PDILT: variants seen among roughly 807,000 people sequenced by gnomAD.
PDILT encodes the protein protein disulfide-isomerase-like protein of the testis.
A neutral mutation model predicts 53.7 loss-of-function variants in PDILT; 43 were observed. The ratio of observed to expected loss-of-function variants is 0.80; its 90% CI spans 0.63 to 1.03. PDILT has a LOEUF of 1.03. Among genes scored for constraint, PDILT ranks in the 50% least tolerant of loss-of-function variants. The pLI, the probability that PDILT is intolerant of heterozygous loss-of-function variation, is 0.00. For missense variants in PDILT, 727 were observed against 712.3 expected (o/e 1.02, Z -0.24); for synonymous variants, 282 against 274.2 (o/e 1.03, Z -0.28).
rs988399344 is a variant in PDILT, at chr16:20,362,693, A to G, written c.1238-111T>C. ...CACTTGTGGTCCTGCTGTTTTGCCA[A>G]TTGCACTCCCTCCTTCTTTTAATCA... On this transcript the variant is annotated intron_variant, in intron 9 of 11. Transcript: ENST00000302451. 5.8e-6 allele frequency: 5 copies of G among 863,536 alleles called. No homozygotes were observed. In the African/African-American group the frequency reaches 6.8e-5, roughly 12 times the overall value. 53.5% of individuals were successfully genotyped at this position (863,536 alleles called of 1,614,324 possible).
At chr16:20,364,666 G>C (rs1966164333) in intron 9 of PDILT, among the ~76,000 whole-genome samples, 1 of 152,184 alleles carries the variant, frequency 6.6e-6, no homozygotes, top group Non-Finnish European at 1.5e-5. Context: ...GGGTGGGAGA[G>C]AACATCTCTG....
At chr16:20,392,572 G>T (rs1031788525) in intron 2 of PDILT, among the ~76,000 whole-genome samples, 2 of 152,166 alleles carry the variant, frequency 1.3e-5, no homozygotes, top group East Asian at 3.8e-4. Context: ...TTTTCCAAAG[G>T]CCACTTTAGA....
rs764251341 is a variant in PDILT, at chr16:20,369,609, G to A, written c.999C>T (p.Ile333=). Residue 333 remains isoleucine, a synonymous_variant, in exon 8 of 12, where the codon ATC becomes ATT. Transcript: ENST00000302451. The part of the protein sequence containing the change: ...FKYFRVTEVD[I]PSVQILNLSS... The stretch of plus-strand genomic sequence containing the variant: ...TCAAGTTTAGGATTTGGACGGATGG[G>A]ATATCGACCTCTGTGACCCGGAAGT... 1 of 1,614,222 alleles carries A rather than the reference G, an allele frequency of 6.2e-7. No individual in the cohort carries two copies. Among genetic ancestry groups the A allele is most frequent in the Admixed American group, 1.7e-5 (1 of 60,018 alleles).
In PDILT at chr16:20,364,661, G is replaced by A. The variant is rs138786582; in HGVS notation, c.1237+759C>T. ...TCACCTTTCTCTGTGTCTCAGGGTG[G>A]GAGAGAACATCTCTGGCTTTGTCTC... On this transcript the variant is annotated intron_variant, in intron 9 of 11. Coordinates refer to ENST00000302451, the MANE Select transcript of PDILT (RefSeq NM_174924.2). 4.5e-3 allele frequency among the ~76,000 whole-genome samples: 686 copies of A among 152,256 alleles called. 6 individuals are homozygous for A. Among genetic ancestry groups the A allele is most frequent in the Non-Finnish European group, 4.3e-3 (293 of 68,020 alleles).
chr16:20,377,730 G>A (rs568636207), intron 3 of PDILT, among the ~76,000 whole-genome samples: 28 of 152,216 alleles, frequency 1.8e-4, no homozygotes, highest in Non-Finnish European at 2.9e-4. Context: ...CGAGGAGGGC[G>A]GATCACAAGG....
intron 11 of PDILT, 127 bp downstream of exon 11, chr16:20,360,441 C>G: frequency 3.4e-6 from 3 of 875,002 alleles, no homozygotes; most frequent in East Asian, 2.4e-5. Context: ...AACCTGGATG[C>G]TTCTCCATCC....
At chr16:20,360,738 G>T in intron 10 of PDILT, 81 bp from the exon 11 acceptor site, 1 of 1,048,614 alleles carries the variant, frequency 9.5e-7, no homozygotes, top group East Asian at 2.4e-5. Flanking sequence ...GGTAAACCCA[G>T]GGTCAAATTC....
In PDILT at chr16:20,399,375, C is replaced by T. The variant is rs1966702814; in HGVS notation, c.-7-68G>A. On this transcript the variant is annotated intron_variant, in intron 1 of 11. Coordinates refer to ENST00000302451, the MANE Select transcript of PDILT (RefSeq NM_174924.2). ...TGGTGGAGCCCCACGTCATCACCCC[C>T]ACTTCCTTGTCCAGCTGGTCCATGT... is the stretch of plus-strand genomic sequence containing the variant. 1.1e-5 allele frequency: 17 copies of T among 1,515,532 alleles called. No individual in the cohort carries two copies. The Admixed American group carries it at 2.6e-4, about 23-fold the overall frequency. 93.9% of individuals were successfully genotyped at this position (1,515,532 alleles called of 1,614,324 possible).
In PDILT at chr16:20,364,870, T is replaced by C. The variant is rs568953333; in HGVS notation, c.1237+550A>G. Among the ~76,000 whole-genome samples the C allele has an allele frequency of 3.0e-4, 45 of 152,268 alleles. No homozygotes were observed. In the South Asian group the frequency reaches 7.5e-3, roughly 25 times the overall value. ...GGGGTCCCCACCTCCTATGGGCCAT[T>C]TGATAAGTCATCTAAAGCCAGAAGC... On this transcript the variant is annotated intron_variant, in intron 9 of 11. Coordinates refer to ENST00000302451, the MANE Select transcript of PDILT (RefSeq NM_174924.2).
chr16:20,370,495 C>T (rs964586977), intron 7 of PDILT, among the ~76,000 whole-genome samples: 4 of 152,172 alleles, frequency 2.6e-5, no homozygotes, highest in Non-Finnish European at 4.4e-5. Flanking sequence ...AACACTATTC[C>T]GGGTGGTGGA....
At chr16:20,386,303 G>GGCT (rs1355069237) in intron 2 of PDILT, among the ~76,000 whole-genome samples, 1 of 152,126 alleles carries the variant, frequency 6.6e-6, no homozygotes, top group Non-Finnish European at 1.5e-5. Flanking sequence ...AACATTGTGA[G>GGCT]GCTGCAGGTT....
chr16:20,379,117 C>T (rs1966426069), intron 3 of PDILT, among the ~76,000 whole-genome samples: 1 of 152,052 alleles, frequency 6.6e-6, no homozygotes, highest in Admixed American at 6.6e-5. Context: ...AGGCTCAAGC[C>T]ATCCTCCCAC....
rs75740538 is a variant in PDILT at position 20,375,314 on chromosome 16, G to A, written c.544-355C>T. On this transcript the variant is annotated intron_variant, in intron 4 of 11. Transcript: ENST00000302451. ...ATGTAATACAAAATGTGAACTTAAT[G>A]TCAAGAATTTCAGCCTTCATTCTTT... Among the ~76,000 whole-genome samples the A allele has an allele frequency of 6.7e-3, 1,013 of 152,252 alleles. 13 individuals carry two copies. The highest frequency in any genetic ancestry group is 0.023 in the African/African-American group (950 of 41,560).
chr16:20,401,338 T>C (rs900799894), intron 1 of PDILT, among the ~76,000 whole-genome samples: 4 of 152,254 alleles, frequency 2.6e-5, no homozygotes, highest in Admixed American at 2.6e-4. Context: ...ATTTGTTCTT[T>C]GATTCACTTA....
intron 11 of PDILT, 112 bp downstream of exon 11, chr16:20,360,456 T>G: frequency 9.8e-7 from 1 of 1,022,848 alleles, no homozygotes; most frequent in South Asian, 1.4e-5. Flanking sequence ...CCATCCATCC[T>G]CAACCATCTC....
chr16:20,399,021 A>C, intron 2 of PDILT, 78 bp downstream of exon 2: 1 of 1,487,420 alleles, frequency 6.7e-7, no homozygotes, highest in East Asian at 2.3e-5. Flanking sequence ...GCAATATATA[A>C]AACTCTTCTG....
At chr16:20,389,439 C>A (rs910295789) in intron 2 of PDILT, among the ~76,000 whole-genome samples, 1 of 152,164 alleles carries the variant, frequency 6.6e-6, no homozygotes, top group Admixed American at 6.5e-5. Context: ...TAGGTGGAGA[C>A]TCTTTGGTCT....
chr16:20,375,038 T>C, intron 4 of PDILT, 79 bp from the exon 5 acceptor site: 1 of 1,446,976 alleles, frequency 6.9e-7, no homozygotes, highest in Non-Finnish European at 9.3e-7. Context: ...ACGGCAGTGG[T>C]GGCTGATTCG....
At position 20,367,018 on chromosome 16, in the gene PDILT, CTCTTTCTTCTT is replaced by C. The variant is rs1567320574; in HGVS notation, c.1117-1489_1117-1479del. Among the ~76,000 whole-genome samples, 5 of 137,202 alleles carry C rather than the reference CTCTTTCTTCTT, an allele frequency of 3.6e-5. No homozygotes were observed. The South Asian group carries it at 7.5e-4, about 20-fold the overall frequency. The allele number at this position is 137,202 out of a possible 152,430, so 90.0% of individuals were successfully genotyped here. On this transcript the variant is annotated intron_variant, in intron 8 of 11. Transcript: ENST00000302451. The stretch of plus-strand genomic sequence containing the variant: ...TTTCTTTCTTTATTTATTTCTCTCT[CTCTTTCTTCTT>C]TCTTTCTTTCTTTCTTTCTTTCTTT...
Sources: gnomAD v4.1 joint callset for allele counts (sites outside exome capture counted in the v4.1 genomes callset) on GRCh38, gnomAD v4.1.1 for gene constraint, MANE v1.5 for transcripts, NCBI Gene and HGNC (gene_info 2026-07-23, HGNC 2026-07-21) for gene names.